Variants in CRTC3 observed in about 807,000 individuals in gnomAD.
CRTC3 encodes the protein CREB regulated transcription coactivator 3, also known as CREB-regulated transcription coactivator 3.
CRTC3 carries 26 observed loss-of-function variants against 74.5 expected under a neutral mutation model. The ratio of observed to expected loss-of-function variants is 0.35; its 90% CI spans 0.26 to 0.48. The LOEUF (loss-of-function observed/expected upper bound fraction) is 0.48, where lower values mean the gene tolerates loss of function less well. Among genes scored for constraint, CRTC3 ranks in the 20% least tolerant of loss-of-function variants. The pLI, the probability that CRTC3 is intolerant of heterozygous loss-of-function variation, is 0.99. For missense variants in CRTC3, 760 were observed against 787.3 expected (o/e 0.97, Z 0.41); for synonymous variants, 377 against 325.8 (o/e 1.16, Z -1.69).
intron 10 of CRTC3, 42 bp from the exon 11 acceptor site, chr15:90,629,192 G>C: frequency 6.4e-7 from 1 of 1,568,332 alleles, no homozygotes; most frequent in Non-Finnish European, 8.7e-7. Flanking sequence ...CAAAAGATTT[G>C]GTCTGAAATT....
intron 1 of CRTC3, among the ~76,000 whole-genome samples, chr15:90,533,849 G>A (rs1173481047): frequency 6.6e-6 from 1 of 152,160 alleles, no homozygotes; most frequent in Admixed American, 6.5e-5. Flanking sequence ...AAGGCTCAGG[G>A]GGAGTGGGGG....
intron 3 of CRTC3, among the ~76,000 whole-genome samples, chr15:90,601,691 C>G (rs569809440): frequency 6.6e-6 from 1 of 152,134 alleles, no homozygotes; most frequent in African/African-American, 2.4e-5. Context: ...CCCACCTTAA[C>G]TTAAAAAAAG....
chr15:90,586,463 T>G (rs1967666652), intron 2 of CRTC3, among the ~76,000 whole-genome samples: 1 of 149,628 alleles, frequency 6.7e-6, no homozygotes. Context: ...GCCCCCTGGG[T>G]TCGAGCAATT....
chr15:90,584,837 CTGT>C (rs1967623027), intron 2 of CRTC3, among the ~76,000 whole-genome samples: 1 of 152,084 alleles, frequency 6.6e-6, no homozygotes, highest in Admixed American at 6.6e-5. Flanking sequence ...TACCCAAGCT[CTGT>C]TGGAAACAGA....
At position 90,638,913 on chromosome 15, in the gene CRTC3, C is replaced by T. The variant is rs1027877326; in HGVS notation, c.1548+98C>T. On this transcript the variant is annotated intron_variant, in intron 13 of 14. Coordinates refer to ENST00000268184, the MANE Select transcript of CRTC3 (RefSeq NM_022769.5). ...TTCAGAACTGAGCAGACCAGACATG[C>T]CACTTTCCTGGTTCTGGTTGTGTTC... is the stretch of plus-strand genomic sequence containing the variant. 4.5e-5 allele frequency: 45 copies of T among 999,758 alleles called. No individual in the cohort carries two copies. In the East Asian group the frequency reaches 5.4e-4, roughly 12 times the overall value. 61.9% of individuals were successfully genotyped at this position (999,758 alleles called of 1,614,324 possible). A position where few individuals can be genotyped will look rare whatever the true frequency, so the allele number is the denominator to read the frequency against.
intron 2 of CRTC3, among the ~76,000 whole-genome samples, chr15:90,590,882 G>C (rs890215113): frequency 6.6e-6 from 1 of 152,216 alleles, no homozygotes; most frequent in African/African-American, 2.4e-5. Context: ...AATACCAGCA[G>C]TAATACAGGA....
At chr15:90,593,491 T>C (rs1967846803) in intron 2 of CRTC3, 145 bp from the exon 3 acceptor site, 2 of 778,546 alleles carry the variant, frequency 2.6e-6, no homozygotes, top group Non-Finnish European at 4.1e-6. Flanking sequence ...TATACTACTT[T>C]ATTTACCTTG....
At chr15:90,561,334 C>G (rs1049318315) in intron 2 of CRTC3, among the ~76,000 whole-genome samples, 1 of 152,176 alleles carries the variant, frequency 6.6e-6, no homozygotes, top group Non-Finnish European at 1.5e-5. Context: ...GAGAACTAAG[C>G]TTTTGCTGTT....
rs763467511 is a variant in CRTC3, at chr15:90,641,954, C to G, written c.1674C>G (p.Phe558Leu). The stretch of plus-strand genomic sequence containing the variant: ...CAGAAGACTCCAGCACCAGCCTGTT[C>G]AAAGACCTCAACAGTGCGCTGGCAG... ...ILPEDSSTSLFKDLNSALAGL... is the reference protein window; with the variant it reads ...ILPEDSSTSLLKDLNSALAGL... Residue 558 changes from phenylalanine (F) to leucine (L), a missense_variant, in exon 15 of 15, where the codon TTC becomes TTG. By Grantham distance (22) the Phe-to-Leu change is conservative. Transcript: ENST00000268184. The G allele has an allele frequency of 3.1e-6, 5 of 1,613,658 alleles. No individual in the cohort carries two copies. In the South Asian group the frequency reaches 3.3e-5, roughly 11 times the overall value.
chr15:90,549,285 G>GGTGT (rs35240328), intron 2 of CRTC3, among the ~76,000 whole-genome samples: 5 of 150,522 alleles, frequency 3.3e-5, no homozygotes, highest in African/African-American at 1.2e-4. Flanking sequence ...CTTTGTTCAT[G>GGTGT]GTGTGTGTGT....
intron 2 of CRTC3, among the ~76,000 whole-genome samples, chr15:90,552,268 T>C (rs1395696728): frequency 1.3e-5 from 2 of 152,164 alleles, no homozygotes; most frequent in Non-Finnish European, 2.9e-5. Context: ...AGCCGGCATC[T>C]GGCCACTGCC....
chr15:90,563,015 A>G (rs1216224510), intron 2 of CRTC3, among the ~76,000 whole-genome samples: 2 of 152,148 alleles, frequency 1.3e-5, no homozygotes, highest in African/African-American at 2.4e-5. Context: ...TCATTCATGA[A>G]ATTGCTCAAG....
chr15:90,615,385 C>A (rs2151086943), intron 7 of CRTC3, among the ~76,000 whole-genome samples: 1 of 152,232 alleles, frequency 6.6e-6, no homozygotes, highest in Middle Eastern at 3.4e-3. Flanking sequence ...TTTTTATAAT[C>A]TAAAAATAAA....
At chr15:90,622,667 A>C (rs1014047737) in intron 9 of CRTC3, among the ~76,000 whole-genome samples, 1 of 152,120 alleles carries the variant, frequency 6.6e-6, no homozygotes, top group Middle Eastern at 3.2e-3. Context: ...CCTGGCCAAC[A>C]TGGCGAAACC....
intron 7 of CRTC3, among the ~76,000 whole-genome samples, chr15:90,617,228 C>T (rs902244337): frequency 2.0e-5 from 3 of 152,222 alleles, no homozygotes; most frequent in Non-Finnish European, 2.9e-5. Context: ...TGCACTTCAT[C>T]TCTCAGCAGC....
chr15:90,542,919 TAGA>T (rs929667013), intron 2 of CRTC3, among the ~76,000 whole-genome samples: 1 of 152,296 alleles, frequency 6.6e-6, no homozygotes, highest in African/African-American at 2.4e-5. Flanking sequence ...AGGAATAACG[TAGA>T]AGAAGTGAGG....
chr15:90,536,900 A>G (rs1489440978), intron 1 of CRTC3, among the ~76,000 whole-genome samples: 2 of 152,234 alleles, frequency 1.3e-5, no homozygotes, highest in Non-Finnish European at 1.5e-5. Context: ...ACATGGGTTC[A>G]GTGTTGTCTG....
intron 9 of CRTC3, among the ~76,000 whole-genome samples, chr15:90,620,328 G>A (rs1468835260): frequency 1.3e-5 from 2 of 152,092 alleles, no homozygotes; most frequent in Admixed American, 6.5e-5. Context: ...ATAAATGGAA[G>A]ATAAATATAT....
chr15:90,559,643 G>A lies in CRTC3; in HGVS notation c.231+19506G>A, dbSNP rs180767797. Among the ~76,000 whole-genome samples, 12 of 151,926 alleles carry A rather than the reference G, an allele frequency of 7.9e-5. No individual in the cohort carries two copies. In the East Asian group the frequency reaches 2.1e-3, roughly 27 times the overall value. On this transcript the variant is annotated intron_variant, in intron 2 of 14. Transcript: ENST00000268184. ...TTGTTTGTTTGTTTGTTTGTTTTTC[G>A]AGGCAAGGTCTCACTCTGTCAGTCA...
Sources: allele counts gnomAD v4.1 joint callset (sites outside exome capture counted in the v4.1 genomes callset), GRCh38; gene constraint gnomAD v4.1.1; transcripts MANE v1.5; gene names NCBI Gene and HGNC (gene_info 2026-07-23, HGNC 2026-07-21).